Variants in HYDIN observed in about 807,000 individuals in gnomAD.
The protein encoded by HYDIN is axonemal central pair apparatus protein HYDIN.
A neutral mutation model predicts 403.9 loss-of-function variants in HYDIN; 132 were observed. That is an observed-to-expected ratio of 0.33 (90% confidence interval 0.28 to 0.38). The LOEUF (loss-of-function observed/expected upper bound fraction) is 0.38. HYDIN is among the 10% of genes least tolerant of loss of function. The pLI is 1.00. For synonymous variants in HYDIN, 1,202 were observed against 1,891.7 expected, an observed-to-expected ratio of 0.64 and a Z score of 9.46; for missense variants, 2,827 against 5,009.5, an observed-to-expected ratio of 0.56 and a Z score of 13.15.
At chr16:71,059,513 A>G (rs2082012077) in intron 18 of HYDIN, among the ~76,000 whole-genome samples, 1 of 151,992 alleles carries the variant, frequency 6.6e-6, no homozygotes, top group African/African-American at 2.4e-5. Flanking sequence ...GAATGAAATC[A>G]TGTCCTTTGC....
At position 70,943,850 on chromosome 16, in the gene HYDIN, C is replaced by T. The variant is rs748644598; in HGVS notation, c.6631G>A (p.Asp2211Asn). Residue 2211 changes from aspartate (D) to asparagine (N), a missense_variant, in exon 42 of 86, where the codon GAT (aspartate) becomes AAT (asparagine). Transcript: ENST00000393567. ...GCCAGGATCTGCACGAGAAGTTCAT[C>T]CGGGAGCACACAGCTCATCAGCCCG... ...ETGLMSCVLP[D>N]ELLVQILAER... 2 of 1,613,606 alleles carry T rather than the reference C, an allele frequency of 1.2e-6. No individual in the cohort carries two copies. Among genetic ancestry groups the T allele is most frequent in the Admixed American group, 1.7e-5 (1 of 60,030 alleles).
rs371406796 is a variant in HYDIN, at chr16:71,027,547, C to T, written c.3042+55G>A. 55 of 1,608,192 alleles carry T rather than the reference C, an allele frequency of 3.4e-5. No homozygotes were observed. In the Middle Eastern group the frequency reaches 8.5e-4, roughly 25 times the overall value. The stretch of plus-strand genomic sequence containing the variant: ...AAGGGACTTTCCTAAGAAATAGATA[C>T]AGTAGAGATTTATTTAGGAAAAAAC... On this transcript the variant is annotated intron_variant, in intron 20 of 85. Coordinates refer to ENST00000393567, the MANE Select transcript of HYDIN (RefSeq NM_001270974.2).
At chr16:70,887,268 C>G (rs1171496072) in intron 58 of HYDIN, among the ~76,000 whole-genome samples, 3 of 152,158 alleles carry the variant, frequency 2.0e-5, no homozygotes, top group Non-Finnish European at 4.4e-5. Flanking sequence ...ACATTAAGAA[C>G]CTTGAGATGA....
At chr16:71,218,887 T>C (rs1415532248) in intron 1 of HYDIN, among the ~76,000 whole-genome samples, 1 of 152,218 alleles carries the variant, frequency 6.6e-6, no homozygotes, top group Non-Finnish European at 1.5e-5. Context: ...TGATATCATC[T>C]ATAATTAATT....
At chr16:71,191,313 T>C (rs1658352405) in intron 1 of HYDIN, among the ~76,000 whole-genome samples, 1 of 152,206 alleles carries the variant, frequency 6.6e-6, no homozygotes, top group Non-Finnish European at 1.5e-5. Context: ...GTCTGATTTT[T>C]TGTAAAAGTT....
intron 9 of HYDIN, among the ~76,000 whole-genome samples, chr16:71,116,801 TG>T (rs1258253638): frequency 6.7e-6 from 1 of 150,008 alleles, no homozygotes; most frequent in Non-Finnish European, 1.5e-5. Context: ...ATAACTTCAG[TG>T]AATTTATGAA....
chr16:70,991,937 C>T (rs1212046902), intron 24 of HYDIN, 133 bp downstream of exon 24: 4 of 1,475,010 alleles, frequency 2.7e-6, no homozygotes, highest in Non-Finnish European at 3.6e-6. Flanking sequence ...GGGGCCTACA[C>T]ATAGAAGACA....
chr16:70,931,217 T>G (rs1464731312), intron 45 of HYDIN, among the ~76,000 whole-genome samples: 6 of 110,368 alleles, frequency 5.4e-5, no homozygotes, highest in Non-Finnish European at 9.5e-5. Flanking sequence ...TCTGTTTTTT[T>G]TTTTTTTTTT....
chr16:70,830,945 A>G (rs1304161722), intron 80 of HYDIN, among the ~76,000 whole-genome samples: 1 of 151,842 alleles, frequency 6.6e-6, no homozygotes, highest in East Asian at 1.9e-4. Flanking sequence ...TTGTCAGTAT[A>G]GCAATTTCAT....
At chr16:70,994,093 T>C (rs1237018941) in intron 23 of HYDIN, among the ~76,000 whole-genome samples, 1 of 152,218 alleles carries the variant, frequency 6.6e-6, no homozygotes, top group African/African-American at 2.4e-5. Context: ...AGCTGAGCTC[T>C]GGTTGCTCTT....
chr16:70,908,902 T>C, intron 47 of HYDIN, 41 bp from the exon 48 acceptor site: 1 of 1,606,268 alleles, frequency 6.2e-7, no homozygotes. Flanking sequence ...TATTCACTTT[T>C]TGTACACACA....
intron 7 of HYDIN, among the ~76,000 whole-genome samples, chr16:71,141,734 C>G (rs963714604): frequency 1.3e-5 from 2 of 152,078 alleles, no homozygotes; most frequent in Non-Finnish European, 2.9e-5. Context: ...TAAATTGCCA[C>G]AACTTGACAA....
intron 75 of HYDIN, among the ~76,000 whole-genome samples, chr16:70,848,957 G>T (rs2038415562): frequency 6.7e-6 from 1 of 150,184 alleles, no homozygotes. Context: ...TCAGTCAGCT[G>T]CAGTGTTAAA....
intron 10 of HYDIN, among the ~76,000 whole-genome samples, chr16:71,111,708 A>G (rs903453294): frequency 3.3e-5 from 5 of 152,108 alleles, no homozygotes; most frequent in Non-Finnish European, 7.3e-5. Flanking sequence ...TTCCTGATTC[A>G]TGAACATCAG....
intron 73 of HYDIN, among the ~76,000 whole-genome samples, chr16:70,851,586 C>A (rs543625306): frequency 1.3e-5 from 2 of 150,692 alleles, no homozygotes; most frequent in African/African-American, 4.9e-5. Flanking sequence ...CAGATCCTGG[C>A]GAGGCTGCAG....
chr16:71,048,810 C>G (rs1229229944), intron 18 of HYDIN, among the ~76,000 whole-genome samples: 3 of 152,172 alleles, frequency 2.0e-5, no homozygotes, highest in African/African-American at 4.8e-5. Flanking sequence ...TACACCAAAT[C>G]CCCACGACAC....
In HYDIN at chr16:70,846,348, G is replaced by A. The variant is rs535272156; in HGVS notation, c.12873+3378C>T. Among the ~76,000 whole-genome samples the A allele has an allele frequency of 5.3e-4, 80 of 150,980 alleles. No individual in the cohort carries two copies. The Middle Eastern group carries it at 0.034, about 65-fold the overall frequency. On this transcript the variant is annotated intron_variant, in intron 75 of 85. Coordinates refer to ENST00000393567, the MANE Select transcript of HYDIN (RefSeq NM_001270974.2). ...TTGTTCAGTTTCCATGTAGTTGAGC[G>A]GCTTTGAGTGAGATTCTTAATCCTG...
intron 27 of HYDIN, among the ~76,000 whole-genome samples, chr16:70,985,575 T>G (rs1425809614): frequency 1.3e-5 from 2 of 151,878 alleles, no homozygotes. Flanking sequence ...GGGTCTCAGT[T>G]TTTTCACTAC....
intron 73 of HYDIN, among the ~76,000 whole-genome samples, chr16:70,851,344 T>C (rs2038641039): frequency 6.6e-6 from 1 of 151,036 alleles, no homozygotes; most frequent in Admixed American, 6.6e-5. Flanking sequence ...AGGTCTAATA[T>C]CCAGAATCTC....
Sources: gnomAD v4.1 joint callset for allele counts (sites outside exome capture counted in the v4.1 genomes callset) on GRCh38, gnomAD v4.1.1 for gene constraint, MANE v1.5 for transcripts, NCBI Gene and HGNC (gene_info 2026-07-23, HGNC 2026-07-21) for gene names.